The following RARB variants were observed in gnomAD, a reference collection of about 807,000 sequenced individuals.
The protein encoded by RARB is retinoic acid receptor beta.
Under a neutral mutation model 51.9 loss-of-function variants are expected in RARB, and 17 were observed. The ratio of observed to expected loss-of-function variants is 0.33; its 90% CI spans 0.22 to 0.49. The LOEUF (loss-of-function observed/expected upper bound fraction) is 0.49, where lower values mean the gene tolerates loss of function less well. Among genes scored for constraint, RARB ranks in the 20% least tolerant of loss-of-function variants. RARB has a pLI of 0.99. For missense variants in RARB, 369 were observed against 550.8 expected, an observed-to-expected ratio of 0.67 and a Z score of 3.30; for synonymous variants, 215 against 195.4, an observed-to-expected ratio of 1.10 and a Z score of -0.84.
In RARB at chr3:25,156,397, G is replaced by C. The variant is rs574969446; in HGVS notation, c.-279-17722G>C. On this transcript the variant is annotated intron_variant, in intron 4 of 11. Transcript: ENST00000383772. ...CCCTGGAATCCCATCTGTTTGAGTGGATGCAGTAAAATGTCATGGAAATGT... is the reference window on the plus strand; with the variant it reads ...CCCTGGAATCCCATCTGTTTGAGTGCATGCAGTAAAATGTCATGGAAATGT... 1.7e-3 allele frequency among the ~76,000 whole-genome samples: 251 copies of C among 151,986 alleles called. 2 individuals are homozygous for C. The highest frequency in any genetic ancestry group is 5.2e-3 in the Admixed American group (80 of 15,256).
intron 3 of RARB, among the ~76,000 whole-genome samples, chr3:25,112,986 C>A (rs1053393204): frequency 6.6e-6 from 1 of 152,040 alleles, no homozygotes; most frequent in Non-Finnish European, 1.5e-5. Flanking sequence ...TTGTGGTGCT[C>A]TTGATATGAG....
chr3:25,085,741 A>G (rs931111545), intron 3 of RARB, among the ~76,000 whole-genome samples: 1 of 152,164 alleles, frequency 6.6e-6, no homozygotes, highest in South Asian at 2.1e-4. Flanking sequence ...CAGCCCCTCC[A>G]TAATTGCTCA....
chr3:25,282,389 G>T (rs889829621), intron 5 of RARB, among the ~76,000 whole-genome samples: 4 of 152,150 alleles, frequency 2.6e-5, no homozygotes, highest in Non-Finnish European at 5.9e-5. Flanking sequence ...TTTTCGGTAA[G>T]CCCTGCCTCT....
At chr3:25,375,308 C>T (rs1041273929) in intron 5 of RARB, among the ~76,000 whole-genome samples, 8 of 152,184 alleles carry the variant, frequency 5.3e-5, no homozygotes, top group Non-Finnish European at 1.0e-4. Flanking sequence ...TGAATTACCT[C>T]ATAATGATGA....
At chr3:25,147,063 T>G (rs1700205374) in intron 4 of RARB, among the ~76,000 whole-genome samples, 1 of 152,194 alleles carries the variant, frequency 6.6e-6, no homozygotes, top group Non-Finnish European at 1.5e-5. Flanking sequence ...CAGATGATTC[T>G]AGTGAGCAGC....
At chr3:25,216,702 T>A (rs1273643777) in intron 5 of RARB, among the ~76,000 whole-genome samples, 1 of 150,274 alleles carries the variant, frequency 6.7e-6, no homozygotes, top group Admixed American at 6.6e-5. Flanking sequence ...GTATCCTGTT[T>A]TTTTTTTAGA....
chr3:25,030,641 G>A (rs1376034833), intron 2 of RARB, among the ~76,000 whole-genome samples: 4 of 152,150 alleles, frequency 2.6e-5, no homozygotes, highest in Non-Finnish European at 2.9e-5. Flanking sequence ...GAGCAGGAGT[G>A]CCTAAAAGAA....
At chr3:25,280,609 C>A (rs1219022732) in intron 5 of RARB, among the ~76,000 whole-genome samples, 1 of 152,152 alleles carries the variant, frequency 6.6e-6, no homozygotes, top group South Asian at 2.1e-4. Flanking sequence ...CTCCCACCCA[C>A]CCCCACAAAG....
At chr3:25,501,538 G>T (rs1002049396) in intron 3 of RARB, among the ~76,000 whole-genome samples, 5 of 152,188 alleles carry the variant, frequency 3.3e-5, no homozygotes, top group Admixed American at 2.0e-4. Flanking sequence ...CGTCGTGGAT[G>T]TCAGATTTGT....
intron 4 of RARB, among the ~76,000 whole-genome samples, chr3:25,570,370 A>G (rs1700662437): frequency 6.6e-6 from 1 of 152,112 alleles, no homozygotes. Flanking sequence ...ACCCCAATCC[A>G]TCTGTGAAAT....
At chr3:25,310,508 G>A (rs536468478) in intron 5 of RARB, among the ~76,000 whole-genome samples, 82 of 152,334 alleles carry the variant, frequency 5.4e-4, no homozygotes, top group African/African-American at 1.9e-3. Flanking sequence ...GTAACCACAT[G>A]AGACCTGGAC....
At chr3:25,421,415 T>C (rs367980355) in intron 5 of RARB, among the ~76,000 whole-genome samples, 401 of 122,908 alleles carry the variant, frequency 3.3e-3, no homozygotes, top group Admixed American at 4.6e-3. Flanking sequence ...TTTTTTTTTT[T>C]TTTTTTTTTT....
rs560633721 is a variant in RARB, at chr3:25,074,347, T to C, written c.-328+14171T>C. Among the ~76,000 whole-genome samples, 14 of 152,238 alleles carry C rather than the reference T, an allele frequency of 9.2e-5. No homozygotes were observed. In the South Asian group the frequency reaches 2.9e-3, roughly 32 times the overall value. ...CTGCTTCCCGATCGGCTGCTGAAAA[T>C]CAGAATGATAGGAGTGTGTTTATTT... On this transcript the variant is annotated intron_variant, in intron 3 of 11. Coordinates refer to the RARB transcript ENST00000383772.
chr3:25,367,443 A>G (rs1486554693), intron 5 of RARB, among the ~76,000 whole-genome samples: 1 of 152,098 alleles, frequency 6.6e-6, no homozygotes, highest in Admixed American at 6.5e-5. Flanking sequence ...TTGGCAAAGC[A>G]TCTACTTTAG....
intron 3 of RARB, among the ~76,000 whole-genome samples, chr3:25,512,385 G>T (rs1301549244): frequency 6.6e-6 from 1 of 152,210 alleles, no homozygotes; most frequent in Non-Finnish European, 1.5e-5. Context: ...AGCAGTTTCA[G>T]CTCTGAGCCA....
chr3:25,321,174 C>A (rs763927378), intron 5 of RARB, among the ~76,000 whole-genome samples: 5 of 152,092 alleles, frequency 3.3e-5, no homozygotes, highest in Non-Finnish European at 7.4e-5. Context: ...TACAATTATT[C>A]CTGAGTTAAA....
chr3:25,459,280 A>G (rs796555427), intron 1 of RARB, among the ~76,000 whole-genome samples: 2 of 152,238 alleles, frequency 1.3e-5, no homozygotes, highest in African/African-American at 4.8e-5. Context: ...ATATCTAGAA[A>G]GGACAAATAG....
chr3:25,331,417 G>C (rs1575318241), intron 5 of RARB, among the ~76,000 whole-genome samples: 1 of 152,182 alleles, frequency 6.6e-6, no homozygotes, highest in Non-Finnish European at 1.5e-5. Flanking sequence ...ACCTGCTCCT[G>C]AATGACTACT....
intron 1 of RARB, among the ~76,000 whole-genome samples, chr3:25,432,673 G>T (rs1282049256): frequency 6.6e-6 from 1 of 152,094 alleles, no homozygotes; most frequent in Non-Finnish European, 1.5e-5. Context: ...TAAGCTCTGA[G>T]GTGGCTGAAA....
Sources: gnomAD v4.1 joint callset for allele counts (sites outside exome capture counted in the v4.1 genomes callset) on GRCh38, gnomAD v4.1.1 for gene constraint, MANE v1.5 for transcripts, NCBI Gene and HGNC (gene_info 2026-07-23, HGNC 2026-07-21) for gene names.